Variants in KIAA1217 observed in about 807,000 individuals in gnomAD.
The protein encoded by KIAA1217 is KIAA1217, also known as sickle tail protein homolog.
A neutral mutation model predicts 163.9 loss-of-function variants in KIAA1217; 88 were observed. That is an observed-to-expected ratio of 0.54 (90% CI 0.45 to 0.64). KIAA1217 has a LOEUF of 0.64. Among genes scored for constraint, KIAA1217 ranks in the 30% least tolerant of loss-of-function variants. The pLI, the probability that KIAA1217 is intolerant of heterozygous loss-of-function variation, is 0.00. For missense variants in KIAA1217, 2,372 were observed against 2,475.0 expected (o/e 0.96, Z 0.88); for synonymous variants, 903 against 923.1 (o/e 0.98, Z 0.39).
chr10:23,753,820 A>G (rs185060613), intron 1 of KIAA1217, among the ~76,000 whole-genome samples: 6 of 152,350 alleles, frequency 3.9e-5, no homozygotes, highest in Admixed American at 3.3e-4. Flanking sequence ...ATTTTTAAAC[A>G]TCTATTTTTA....
chr10:23,767,359 G>T (rs1314967419), intron 1 of KIAA1217, among the ~76,000 whole-genome samples: 1 of 152,176 alleles, frequency 6.6e-6, no homozygotes, highest in Non-Finnish European at 1.5e-5. Flanking sequence ...GGCTGATCTG[G>T]AGGAATGGTG....
At chr10:23,934,345 C>T (rs1782978859) in intron 1 of KIAA1217, among the ~76,000 whole-genome samples, 1 of 148,300 alleles carries the variant, frequency 6.7e-6, no homozygotes, top group Non-Finnish European at 1.5e-5. Flanking sequence ...AACACACGGA[C>T]AGGAGAGGGG....
intron 2 of KIAA1217, among the ~76,000 whole-genome samples, chr10:24,170,364 T>C (rs769869864): frequency 5.9e-5 from 9 of 152,242 alleles, no homozygotes; most frequent in Non-Finnish European, 1.3e-4. Context: ...AGTATCTCCG[T>C]TGTTTGGTTT....
intron 5 of KIAA1217, among the ~76,000 whole-genome samples, chr10:24,466,004 C>A (rs2062907380): frequency 6.6e-6 from 1 of 152,172 alleles, no homozygotes; most frequent in Admixed American, 6.5e-5. Flanking sequence ...TTAATGGCTG[C>A]TACCCAAAGT....
At chr10:23,905,142 T>C (rs943102643) in intron 1 of KIAA1217, among the ~76,000 whole-genome samples, 2 of 148,450 alleles carry the variant, frequency 1.3e-5, no homozygotes, top group African/African-American at 5.0e-5. Context: ...AATGTATCAG[T>C]ATGTAGCCTG....
chr10:23,913,241 G>A (rs1015714784), intron 1 of KIAA1217, among the ~76,000 whole-genome samples: 1 of 152,098 alleles, frequency 6.6e-6, no homozygotes, highest in Admixed American at 6.5e-5. Flanking sequence ...AGGCAGTTCT[G>A]GGGATTCTCT....
At chr10:24,218,862 T>C (rs2069195570) in intron 1 of KIAA1217, among the ~76,000 whole-genome samples, 1 of 152,134 alleles carries the variant, frequency 6.6e-6, no homozygotes, top group Admixed American at 6.6e-5. Flanking sequence ...AATTTTCAAA[T>C]GGTTCACATG....
chr10:23,997,979 C>A (rs548620098), intron 1 of KIAA1217, among the ~76,000 whole-genome samples: 1 of 134,942 alleles, frequency 7.4e-6, no homozygotes, highest in Non-Finnish European at 1.7e-5. Flanking sequence ...GAGAAGGGGG[C>A]TTTCTTTTTT....
At chr10:23,755,732 A>G (rs1833887787) in intron 1 of KIAA1217, among the ~76,000 whole-genome samples, 1 of 152,178 alleles carries the variant, frequency 6.6e-6, no homozygotes, top group South Asian at 2.1e-4. Flanking sequence ...TGTGCTGTGT[A>G]TCACTGAGAG....
At chr10:24,336,592 T>C (rs2133710070) in intron 2 of KIAA1217, among the ~76,000 whole-genome samples, 1 of 152,324 alleles carries the variant, frequency 6.6e-6, no homozygotes, top group East Asian at 1.9e-4. Context: ...ATTGTGTCTG[T>C]GTTTATTATC....
intron 2 of KIAA1217, among the ~76,000 whole-genome samples, chr10:24,327,222 A>G (rs1275126208): frequency 6.6e-6 from 1 of 152,220 alleles, no homozygotes; most frequent in Non-Finnish European, 1.5e-5. Flanking sequence ...CACTGCCTTC[A>G]CAAGGTAAGA....
At chr10:24,106,978 C>T (rs568503421) in intron 2 of KIAA1217, among the ~76,000 whole-genome samples, 5 of 152,104 alleles carry the variant, frequency 3.3e-5, no homozygotes, top group Non-Finnish European at 7.3e-5. Flanking sequence ...ATTATTTTGT[C>T]ATCCAGGTAA....
chr10:24,029,780 G>A (rs1848117853), intron 2 of KIAA1217, among the ~76,000 whole-genome samples: 1 of 152,180 alleles, frequency 6.6e-6, no homozygotes, highest in Admixed American at 6.5e-5. Flanking sequence ...TGCGTAGAGT[G>A]GTTGTTTGCA....
intron 2 of KIAA1217, among the ~76,000 whole-genome samples, chr10:24,363,980 C>CTTTT (rs11413263): frequency 1.4e-5 from 2 of 144,696 alleles, no homozygotes; most frequent in African/African-American, 5.1e-5. Flanking sequence ...GTCTCATCCA[C>CTTTT]TTTTTTTTTT....
intron 2 of KIAA1217, among the ~76,000 whole-genome samples, chr10:24,350,861 TAATTGCA>T (rs2048369963): frequency 5.3e-5 from 8 of 151,996 alleles, no homozygotes; most frequent in South Asian, 4.1e-4. Flanking sequence ...GATAAGATCT[TAATTGCA>T]AGGGTCGTTT....
At chr10:24,466,497 A>G in intron 5 of KIAA1217, 1 of 984,986 alleles carries the variant, frequency 1.0e-6, no homozygotes, top group Non-Finnish European at 1.2e-6. Flanking sequence ...GGGAGGAGAA[A>G]TTGACTTATC....
At chr10:24,287,317 C>T (rs2078642745) in intron 2 of KIAA1217, among the ~76,000 whole-genome samples, 1 of 152,202 alleles carries the variant, frequency 6.6e-6, no homozygotes, top group Non-Finnish European at 1.5e-5. Context: ...TCCCAAAGTG[C>T]TGGGGTTACG....
chr10:23,721,633 G>A (rs530787950), intron 1 of KIAA1217, among the ~76,000 whole-genome samples: 10 of 151,790 alleles, frequency 6.6e-5, no homozygotes, highest in African/African-American at 2.4e-4. Context: ...TAGTCTCTGA[G>A]TATGGTTACC....
At chr10:24,528,256 A>G (rs1479489245) in intron 14 of KIAA1217, 137 bp downstream of exon 14, 4 of 668,694 alleles carry the variant, frequency 6.0e-6, no homozygotes, top group Non-Finnish European at 9.9e-6. Flanking sequence ...TAAAACCTGG[A>G]AGAGCAAATC....
Sources: allele counts gnomAD v4.1 joint callset (sites outside exome capture counted in the v4.1 genomes callset), GRCh38; gene constraint gnomAD v4.1.1; transcripts MANE v1.5; gene names NCBI Gene and HGNC (gene_info 2026-07-23, HGNC 2026-07-21).